ANKRD26: variants seen among roughly 807,000 people sequenced by gnomAD.
ANKRD26 encodes ankyrin repeat domain 26.
ANKRD26 carries 141 observed loss-of-function variants against 208.7 expected under a neutral mutation model. The observed-to-expected ratio is 0.68, with a 90% CI of 0.59 to 0.78. The LOEUF is 0.78. ANKRD26 is among the 30% of genes least tolerant of loss of function. ANKRD26 has a pLI of 0.00. For synonymous variants in ANKRD26, 636 were observed against 660.4 expected, an observed-to-expected ratio of 0.96 and a Z score of 0.57; for missense variants, 1,889 against 1,938.7, an observed-to-expected ratio of 0.97 and a Z score of 0.48.
Position 27,035,175 on chromosome 10 carries a change from A to G in ANKRD26, c.3275T>C (p.Leu1092Ser), listed in dbSNP as rs2054002357. The part of the protein sequence containing the change: ...HTRDALREKT[L>S]GLERVQKDLS... ...GTCCTTTTGTACCCGTTCTAAACCC[A>G]AAGTCTTTTCTCTGAGGGCATCTCT... Residue 1092 changes from leucine (L) to serine (S), a missense_variant, in exon 24 of 34, where the codon TTG becomes TCG. Physicochemically the swap from Leu to Ser is moderately radical, Grantham distance 145. This residue lies in a region of ANKRD26 where 1,272 missense variants were observed against 1,273.8 expected (regional missense o/e 1.00). Transcript: ENST00000376087. 2 of 1,614,014 alleles carry G rather than the reference A, an allele frequency of 1.2e-6. No individual in the cohort carries two copies. The highest frequency in any genetic ancestry group is 1.3e-5 in the African/African-American group (1 of 75,050).
the ANKRD26 span, among the ~76,000 whole-genome samples, chr10:26,966,040 T>C: frequency 6.6e-6 from 1 of 152,174 alleles, no homozygotes; most frequent in South Asian, 2.1e-4. Context: ...GGTGGGAATG[T>C]AAATTAGTTC....
At chr10:27,013,270 G>A (rs2053179441) in intron 31 of ANKRD26, among the ~76,000 whole-genome samples, 160 bp from the exon 32 acceptor site, 1 of 152,160 alleles carries the variant, frequency 6.6e-6, no homozygotes, top group East Asian at 1.9e-4. Context: ...CCTACTGTAT[G>A]CAATTATAAT....
At chr10:27,043,363 ATTACAT>A in intron 20 of ANKRD26, 57 bp downstream of exon 20, 1 of 1,563,612 alleles carries the variant, frequency 6.4e-7, no homozygotes, top group Non-Finnish European at 8.8e-7. Flanking sequence ...ACATACATTT[ATTACAT>A]TACATACATT....
In ANKRD26 at chr10:27,100,488, T is replaced by G. The variant is rs1037224534; in HGVS notation, c.-162A>C. 1.3e-5 allele frequency: 14 copies of G among 1,092,412 alleles called. No homozygotes were observed. Among genetic ancestry groups the G allele is most frequent in the Non-Finnish European group, 1.7e-5 (13 of 782,608 alleles). The allele number at this position is 1,092,412 out of a possible 1,614,324, so 67.7% of individuals were successfully genotyped here. On this transcript the variant is annotated 5_prime_UTR_variant, in exon 1 of 34. Transcript: ENST00000376087. ...CGGGTTACCAAGCAAGCGATCCCGC[T>G]AGACACAAGTGCGCATGCGCACCTC...
chr10:26,961,519 T>A, the ANKRD26 span, among the ~76,000 whole-genome samples: 1 of 152,104 alleles, frequency 6.6e-6, no homozygotes, highest in Non-Finnish European at 1.5e-5. Flanking sequence ...AGTTACTTAA[T>A]TGCTCTGTGT....
intron 3 of ANKRD26, among the ~76,000 whole-genome samples, chr10:26,985,276 C>A (rs1056570463): frequency 5.3e-5 from 8 of 152,088 alleles, no homozygotes; most frequent in Non-Finnish European, 1.0e-4. Flanking sequence ...TTTTGTGGCA[C>A]CATGAATGAT....
At chr10:27,092,285 G>A (rs543183051) in intron 4 of ANKRD26, 121 bp downstream of exon 4, 5 of 695,542 alleles carry the variant, frequency 7.2e-6, no homozygotes, top group East Asian at 5.5e-5. Flanking sequence ...AAACACCAAC[G>A]AATCACTGTT....
rs150390838 is a variant in ANKRD26 at position 27,062,494 on chromosome 10, C to T, written c.1364-1252G>A. ...CAAAATGTACATTTTAAACAAGATCCCCAGCTGATTTATTAAATTTTAAGA... is the reference window on the plus strand; with the variant it reads ...CAAAATGTACATTTTAAACAAGATCTCCAGCTGATTTATTAAATTTTAAGA... On this transcript the variant is annotated intron_variant, in intron 12 of 33. Transcript: ENST00000376087. Among the ~76,000 whole-genome samples the T allele has an allele frequency of 3.3e-5, 5 of 152,260 alleles. No individual in the cohort carries two copies. In the East Asian group the frequency reaches 9.7e-4, roughly 29 times the overall value.
chr10:26,970,676 C>A (rs2052129933), downstream of ANKRD26, among the ~76,000 whole-genome samples: 1 of 152,172 alleles, frequency 6.6e-6, no homozygotes, highest in Non-Finnish European at 1.5e-5. Context: ...TAGGCCCACT[C>A]CTGCTCTCTT....
chr10:26,948,739 G>A, the ANKRD26 span, among the ~76,000 whole-genome samples: 2 of 152,180 alleles, frequency 1.3e-5, no homozygotes, highest in Non-Finnish European at 2.9e-5. Flanking sequence ...TGTAATCCCA[G>A]CACTTTGGGA....
In ANKRD26 at chr10:27,082,061, AAAAAAAAAAAAAAGG is replaced by A. The variant is rs1310760138; in HGVS notation, c.740+727_740+741del. The stretch of plus-strand genomic sequence containing the variant: ...CTATGCAGTTATTTAAAAAAAAAAA[AAAAAAAAAAAAAAGG>A]GAGAGAGAGAAACAAAATCATATCC... On this transcript the variant is annotated intron_variant, in intron 6 of 33. Coordinates refer to ENST00000376087, the MANE Select transcript of ANKRD26 (RefSeq NM_014915.3). Among the ~76,000 whole-genome samples the A allele has an allele frequency of 3.8e-3, 324 of 84,172 alleles. 2 individuals carry two copies. Among genetic ancestry groups the A allele is most frequent in the Non-Finnish European group, 5.7e-3 (184 of 32,406 alleles). 55.2% of individuals were successfully genotyped at this position (84,172 alleles called of 152,430 possible).
chr10:27,035,529 T>C lies in ANKRD26; in HGVS notation c.2921A>G (p.Tyr974Cys). The C allele has an allele frequency of 1.9e-6, 3 of 1,614,012 alleles. No homozygotes were observed. The highest frequency in any genetic ancestry group is 2.5e-6 in the Non-Finnish European group (3 of 1,179,908). Residue 974 changes from tyrosine to cysteine, a missense_variant, in exon 24 of 34, where the codon TAT (tyrosine) becomes TGT (cysteine). Physicochemically the swap from Tyr to Cys is radical, Grantham distance 194. Around this residue, in one of 3 missense-constraint regions of ANKRD26, gnomAD observed 1,272 missense variants for 1,273.8 expected, o/e 1.00. Transcript: ENST00000376087. ...TGTCAGAACACTAAGCCGTCCATTA[T>C]ACTGGGATATTGTTTGTGTTAATGT... ...EETLTQTISQYNGRLSVLTAE... is the reference protein window; with the variant it reads ...EETLTQTISQCNGRLSVLTAE...
intron 8 of ANKRD26, 41 bp from the exon 9 acceptor site, chr10:27,077,581 T>C: frequency 6.2e-7 from 1 of 1,610,706 alleles, no homozygotes; most frequent in South Asian, 1.1e-5. Flanking sequence ...AAAATATATG[T>C]AATTAAGAAT....
At chr10:26,962,986 C>T in the ANKRD26 span, among the ~76,000 whole-genome samples, 2 of 152,170 alleles carry the variant, frequency 1.3e-5, no homozygotes, top group Non-Finnish European at 2.9e-5. Context: ...TTAACTCTTG[C>T]TGCAACCCTA....
At chr10:27,059,771 A>G (rs1340135559) in intron 15 of ANKRD26, among the ~76,000 whole-genome samples, 2 of 151,184 alleles carry the variant, frequency 1.3e-5, no homozygotes, top group East Asian at 3.9e-4. Flanking sequence ...TTAGCCGGGC[A>G]TGGTGGTGTG....
At chr10:27,019,293 AAAT>A (rs2053409897) in intron 29 of ANKRD26, among the ~76,000 whole-genome samples, 1 of 152,092 alleles carries the variant, frequency 6.6e-6, no homozygotes. Flanking sequence ...AAATTTTAAA[AAAT>A]AGTAATAAAA....
intron 24 of ANKRD26, 97 bp from the exon 25 acceptor site, chr10:27,033,474 C>T (rs2053946960): frequency 1.6e-6 from 2 of 1,254,922 alleles, no homozygotes; most frequent in Non-Finnish European, 2.2e-6. Context: ...ATGACATATA[C>T]AACTTAAAAA....
chr10:26,972,733 G>A (rs2052168864), downstream of ANKRD26, among the ~76,000 whole-genome samples: 1 of 151,764 alleles, frequency 6.6e-6, no homozygotes, highest in South Asian at 2.1e-4. Context: ...TGGGACTACA[G>A]GCGCCCGCCA....
rs1283807459 is a variant in ANKRD26, at chr10:27,100,291, G to A, written c.36C>T (p.Pro12=). The change falls in exon 1 of 34, where the codon CCC becomes CCT. Residue 12 remains proline (P), a synonymous_variant. Coordinates refer to ENST00000376087, the MANE Select transcript of ANKRD26 (RefSeq NM_014915.3). ...TCTGCCGCCGCGCGAAGGAGCCCAA[G>A]GGCGACTCGCCCTTCTTACTAAAAA... is the stretch of plus-strand genomic sequence containing the variant. ...KKIFSKKGES[P]LGSFARRQRS... 1 of 1,609,866 alleles carries A rather than the reference G, an allele frequency of 6.2e-7. No individual in the cohort carries two copies. The highest frequency in any genetic ancestry group is 1.3e-5 in the African/African-American group (1 of 74,920).
Sources: allele counts gnomAD v4.1 joint callset (sites outside exome capture counted in the v4.1 genomes callset), GRCh38; gene constraint gnomAD v4.1.1; regional missense constraint gnomAD v4.1.1; transcripts MANE v1.5; gene names NCBI Gene and HGNC (gene_info 2026-07-23, HGNC 2026-07-21).